NCALD: variants seen among roughly 807,000 people sequenced by gnomAD.
NCALD encodes the protein neurocalcin delta.
NCALD carries 10 observed loss-of-function variants against 18.6 expected under a neutral mutation model. The observed-to-expected ratio is 0.54, with a 90% CI of 0.33 to 0.91. NCALD has a LOEUF of 0.91. Among genes scored for constraint, NCALD ranks in the 40% least tolerant of loss-of-function variants. The pLI, the probability that NCALD is intolerant of heterozygous loss-of-function variation, is 0.03. For synonymous variants in NCALD, 88 were observed against 87.4 expected, an observed-to-expected ratio of 1.01 and a Z score of -0.04; for missense variants, 184 against 247.6, an observed-to-expected ratio of 0.74 and a Z score of 1.72.
At chr8:101,904,427 C>T (rs993449242) in intron 3 of NCALD, among the ~76,000 whole-genome samples, 8 of 152,088 alleles carry the variant, frequency 5.3e-5, no homozygotes, top group Non-Finnish European at 1.5e-5. Flanking sequence ...CACTTCCTTC[C>T]TTTATGACTC....
At chr8:101,834,350 G>A (rs1814317718) in intron 4 of NCALD, among the ~76,000 whole-genome samples, 1 of 152,238 alleles carries the variant, frequency 6.6e-6, no homozygotes, top group Admixed American at 6.5e-5. Context: ...CCCCACCCAG[G>A]GCCCAAGCCA....
chr8:101,721,144 G>C (rs980351463), intron 1 of NCALD: 10 of 135,070 alleles, frequency 7.4e-5, no homozygotes, highest in African/African-American at 2.8e-4. Context: ...TTCTGCACTT[G>C]TATTTTGCAT....
At chr8:101,905,327 G>T (rs188818053) in intron 3 of NCALD, among the ~76,000 whole-genome samples, 28 of 151,410 alleles carry the variant, frequency 1.8e-4, no homozygotes, top group Non-Finnish European at 3.7e-4. Flanking sequence ...TTCCCTGGGG[G>T]TATTTTTTTG....
chr8:101,766,150 C>T (rs1052100704), intron 1 of NCALD, among the ~76,000 whole-genome samples: 2 of 152,130 alleles, frequency 1.3e-5, no homozygotes, highest in African/African-American at 4.8e-5. Context: ...AGTGTATTCA[C>T]AAAAGTGTCC....
upstream of NCALD, among the ~76,000 whole-genome samples, chr8:101,794,460 TATC>T (rs10545431): frequency 0.065 from 9,873 of 152,234 alleles, 1,059 homozygotes; most frequent in African/African-American, 0.22. Flanking sequence ...AATGTTGAGT[TATC>T]ATAAACTTTT....
chr8:101,752,949 A>T (rs1180829946), intron 1 of NCALD, among the ~76,000 whole-genome samples: 5 of 146,106 alleles, frequency 3.4e-5, no homozygotes, highest in African/African-American at 1.4e-4. Flanking sequence ...AATCTCTGAA[A>T]TTCAACATGT....
chr8:101,842,182 G>A (rs1264930), intron 4 of NCALD, among the ~76,000 whole-genome samples: 45,710 of 151,846 alleles, frequency 0.3, 7,564 homozygotes, highest in African/African-American at 0.42. Flanking sequence ...TTAAGGATAC[G>A]AGTCATACTG....
chr8:101,969,414 G>A (rs1056865411), intron 2 of NCALD, among the ~76,000 whole-genome samples: 5 of 152,086 alleles, frequency 3.3e-5, no homozygotes, highest in African/African-American at 9.7e-5. Flanking sequence ...CCCACACTTC[G>A]TAATGATGAT....
intron 1 of NCALD, among the ~76,000 whole-genome samples, chr8:101,749,519 G>A: frequency 6.6e-6 from 1 of 152,136 alleles, no homozygotes; most frequent in East Asian, 1.9e-4. Flanking sequence ...TTTCCACTAA[G>A]TATATGACAG....
At chr8:102,107,195 CATATATATATATATATATATATATATAT>C (rs67447416) in intron 1 of NCALD, among the ~76,000 whole-genome samples, 30 of 89,306 alleles carry the variant, frequency 3.4e-4, no homozygotes, top group African/African-American at 7.8e-4. Context: ...TATGTGTGTA[CATATATATATATATATATATATATATAT>C]ATATATATAT....
intron 4 of NCALD, among the ~76,000 whole-genome samples, chr8:101,796,421 A>C (rs1812640840): frequency 6.6e-6 from 1 of 152,188 alleles, no homozygotes; most frequent in Non-Finnish European, 1.5e-5. Flanking sequence ...GGGACTTTAA[A>C]ATAACTCTAA....
intron 1 of NCALD, among the ~76,000 whole-genome samples, chr8:102,076,467 A>G (rs1414597543): frequency 6.6e-6 from 1 of 152,242 alleles, no homozygotes; most frequent in Non-Finnish European, 1.5e-5. Context: ...ATGGAATAAG[A>G]TTTTAGCAGC....
rs371881120 is a variant in NCALD at position 102,102,902 on chromosome 8, G to C, written c.-210+21335C>G. On this transcript the variant is annotated intron_variant, in intron 1 of 6. Coordinates refer to the NCALD transcript ENST00000311028. ...CCTGGTCCTCAGCTCTGCACATGCAGGAATTTGATTTTATCAGTTCACTCG... is the reference window on the plus strand; with the variant it reads ...CCTGGTCCTCAGCTCTGCACATGCACGAATTTGATTTTATCAGTTCACTCG... Among the ~76,000 whole-genome samples, 19 of 152,294 alleles carry C rather than the reference G, an allele frequency of 1.2e-4. No individual in the cohort carries two copies. In the East Asian group the frequency reaches 1.4e-3, roughly 11 times the overall value.
intron 1 of NCALD, among the ~76,000 whole-genome samples, chr8:101,785,254 G>A (rs1812178269): frequency 1.3e-5 from 2 of 152,094 alleles, no homozygotes; most frequent in South Asian, 2.1e-4. Context: ...CAATTCTGAC[G>A]GATTCTTCCT....
chr8:101,843,886 A>C (rs1383076245), intron 4 of NCALD, among the ~76,000 whole-genome samples: 1 of 152,208 alleles, frequency 6.6e-6, no homozygotes, highest in Non-Finnish European at 1.5e-5. Context: ...CCGGCTGAGG[A>C]TCTTTTTAAA....
At chr8:101,879,040 C>A (rs1218063122) in intron 4 of NCALD, among the ~76,000 whole-genome samples, 2 of 152,244 alleles carry the variant, frequency 1.3e-5, no homozygotes, top group African/African-American at 4.8e-5. Context: ...TGTCAATAAA[C>A]TTCTACAGGA....
intron 2 of NCALD, among the ~76,000 whole-genome samples, chr8:101,702,121 C>T (rs1457190886): frequency 2.0e-5 from 3 of 152,052 alleles, no homozygotes; most frequent in African/African-American, 7.2e-5. Context: ...TAAGATTTCA[C>T]GTAAGATTTT....
At chr8:101,869,233 C>T (rs1364679821) in intron 4 of NCALD, among the ~76,000 whole-genome samples, 1 of 152,162 alleles carries the variant, frequency 6.6e-6, no homozygotes, top group Non-Finnish European at 1.5e-5. Flanking sequence ...GAAGTTTATC[C>T]TGGATGATCT....
intron 4 of NCALD, among the ~76,000 whole-genome samples, chr8:101,810,805 C>T (rs1415708359): frequency 1.3e-5 from 2 of 151,754 alleles, no homozygotes; most frequent in Non-Finnish European, 2.9e-5. Context: ...CTATCATAAC[C>T]CTTACACAGA....
Sources: allele counts gnomAD v4.1 joint callset (sites outside exome capture counted in the v4.1 genomes callset), GRCh38; gene constraint gnomAD v4.1.1; transcripts MANE v1.5; gene names NCBI Gene and HGNC (gene_info 2026-07-23, HGNC 2026-07-21).